Variants in HSPA9 observed in about 807,000 individuals in gnomAD.
The protein encoded by HSPA9 is heat shock protein family A (Hsp70) member 9.
A neutral mutation model predicts 81.5 loss-of-function variants in HSPA9; 28 were observed. That is an observed-to-expected ratio of 0.34 (90% CI 0.25 to 0.47). The LOEUF is 0.47. Ranked by LOEUF, HSPA9 falls within the 20% of genes least tolerant of loss-of-function variation. HSPA9 has a pLI of 1.00. For synonymous variants in HSPA9, 293 were observed against 290.4 expected (o/e 1.01, Z -0.09); for missense variants, 678 against 838.0 (o/e 0.81, Z 2.36).
intron 4 of HSPA9, 100 bp downstream of exon 4, chr5:138,570,860 A>G (rs1192376943): frequency 2.9e-6 from 3 of 1,029,286 alleles, no homozygotes; most frequent in South Asian, 1.3e-5. Context: ...TAAAATTACT[A>G]AAGTAAGGTG....
At chr5:138,573,386 C>T (rs1192171771) in intron 3 of HSPA9, among the ~76,000 whole-genome samples, 1 of 152,024 alleles carries the variant, frequency 6.6e-6, no homozygotes, top group Non-Finnish European at 1.5e-5. Flanking sequence ...CGAGGCCAGG[C>T]TTAGTGGTTC....
chr5:138,557,834 C>T, intron 13 of HSPA9, 35 bp downstream of exon 13: 1 of 1,317,266 alleles, frequency 7.6e-7, no homozygotes, highest in African/African-American at 1.4e-5. Flanking sequence ...CCTCCCTCAC[C>T]TCACTCTTAG....
intron 5 of HSPA9, 65 bp downstream of exon 5, chr5:138,568,859 GA>G: frequency 2.6e-6 from 4 of 1,545,536 alleles, no homozygotes; most frequent in Non-Finnish European, 2.7e-6. Context: ...GGAGCACAGG[GA>G]GCTAGTGATC....
chr5:138,563,408 C>G (rs1235244323), intron 9 of HSPA9, among the ~76,000 whole-genome samples: 1 of 152,196 alleles, frequency 6.6e-6, no homozygotes, highest in Non-Finnish European at 1.5e-5. Flanking sequence ...ACTCTCAACC[C>G]TCTACAACCA....
intron 10 of HSPA9, chr5:138,560,977 GT>G (rs747162998): frequency 7.1e-6 from 3 of 421,400 alleles, no homozygotes; most frequent in Non-Finnish European, 1.5e-5. Context: ...AAAAAACAAG[GT>G]CACTATCTTA....
chr5:138,574,971 G>A (rs1221181274), intron 1 of HSPA9: 5 of 574,982 alleles, frequency 8.7e-6, no homozygotes, highest in African/African-American at 5.6e-5. Context: ...TTCAGCCACA[G>A]AACAGGCCAT....
chr5:138,567,829 C>CT, intron 5 of HSPA9, 107 bp from the exon 6 acceptor site: 1 of 840,434 alleles, frequency 1.2e-6, no homozygotes, highest in South Asian at 1.4e-5. Context: ...ATTCTTCAGT[C>CT]TTTTGGTAAG....
At position 138,568,927 on chromosome 5, in the gene HSPA9, G is replaced by A. The variant is rs762286550; in HGVS notation, c.533C>T (p.Ala178Val). 1.9e-6 allele frequency: 3 copies of A among 1,613,682 alleles called. No individual in the cohort carries two copies. Among genetic ancestry groups the A allele is most frequent in the Admixed American group, 1.7e-5 (1 of 60,014 alleles). Residue 178 changes from alanine (A) to valine (V), a missense_variant and splice_region_variant, in exon 5 of 17, where the codon GCA becomes GTA. Ala to Val is a moderately conservative substitution (Grantham distance 64). Coordinates refer to ENST00000297185, the MANE Select transcript of HSPA9 (RefSeq NM_004134.7). ...AFVLMKMKET[A>V]ENYLGHTAKN... is the part of the protein sequence containing the mutation. ...AGATGTGAACTAAACCCACTCACCT[G>A]CAGTCTCTTTCATCTTCATCAACAC...
rs1387647882 is a variant in HSPA9, at chr5:138,557,453, T to G, written c.1677A>C (p.Glu559Asp). 1 of 1,610,860 alleles carries G rather than the reference T, an allele frequency of 6.2e-7. No individual in the cohort carries two copies. Among genetic ancestry groups the G allele is most frequent in the African/African-American group, 1.3e-5 (1 of 74,884 alleles). Reference protein sequence around the residue: ...SSGGLSKDDIENMVKNAEKYA... With the variant: ...SSGGLSKDDIDNMVKNAEKYA... ...ATTTCTCTGCATTTTTAACCATATT[T>G]TCAATATCATCTTTGCTTAATCCAC... is the stretch of plus-strand genomic sequence containing the variant. Residue 559 changes from glutamate to aspartate, a missense_variant, in exon 14 of 17, where the codon GAA (glutamate) becomes GAC (aspartate). Coordinates refer to ENST00000297185, the MANE Select transcript of HSPA9 (RefSeq NM_004134.7).
intron 11 of HSPA9, chr5:138,558,981 A>G (rs1750593147): frequency 3.3e-6 from 1 of 305,328 alleles, no homozygotes; most frequent in East Asian, 7.2e-5. Context: ...ATGCTCAGTC[A>G]CAGAAAGTCA....
chr5:138,558,473 TA>T, intron 12 of HSPA9, 79 bp downstream of exon 12: 1 of 956,926 alleles, frequency 1.0e-6, no homozygotes, highest in South Asian at 1.3e-5. Flanking sequence ...CAGCAGTTTA[TA>T]CTAATATTTT....
intron 12 of HSPA9, 127 bp from the exon 13 acceptor site, chr5:138,558,113 C>CA (rs2127153267): frequency 1.4e-6 from 1 of 738,760 alleles, no homozygotes; most frequent in Non-Finnish European, 2.4e-6. Context: ...ATTTAATGTA[C>CA]AAAACACAAA....
At chr5:138,571,812 T>TTTTGTGTG (rs113553648) in intron 3 of HSPA9, among the ~76,000 whole-genome samples, 4 of 146,178 alleles carry the variant, frequency 2.7e-5, no homozygotes, top group African/African-American at 5.0e-5. Flanking sequence ...CCAACTAATT[T>TTTTGTGTG]TGTGTGTGTG....
At chr5:138,573,711 A>G in intron 3 of HSPA9, 52 bp downstream of exon 3, 1 of 1,090,484 alleles carries the variant, frequency 9.2e-7, no homozygotes, top group Non-Finnish European at 1.4e-6. Flanking sequence ...GGAAAAGAGC[A>G]CAGAATTCTG....
chr5:138,555,769 A>T lies in HSPA9; in HGVS notation c.*268T>A, dbSNP rs760062028. The T allele has an allele frequency of 2.0e-5, 10 of 504,100 alleles. No individual in the cohort carries two copies. Among genetic ancestry groups the T allele is most frequent in the Non-Finnish European group, 3.6e-5 (10 of 280,794 alleles). The allele number at this position is 504,100 out of a possible 1,614,324, so 31.2% of individuals were successfully genotyped here. On this transcript the variant is annotated 3_prime_UTR_variant, in exon 17 of 17. Coordinates refer to ENST00000297185, the MANE Select transcript of HSPA9 (RefSeq NM_004134.7). ...CAGCATAAAATAGTTAAATCTTTAT[A>T]ATGATCAATTCATCCTACCTCCTTT... is the stretch of plus-strand genomic sequence containing the variant.
chr5:138,556,123 A>C lies in HSPA9; in HGVS notation c.1963-9T>G. ...TCTCGCTCAGATGCCATCTGTTAAG[A>C]AAACATTTGAGAGCCACTCAGATTT... On this transcript the variant is annotated splice_polypyrimidine_tract_variant and intron_variant, in intron 16 of 16. Transcript: ENST00000297185. 1 of 1,611,394 alleles carries C rather than the reference A, an allele frequency of 6.2e-7. No homozygotes were observed. The highest frequency in any genetic ancestry group is 8.5e-7 in the Non-Finnish European group (1 of 1,177,902).
rs541441367 is a variant in HSPA9 at position 138,575,370 on chromosome 5, G to C, written c.-52C>G. Reference sequence around the variant, plus strand: ...AGCAAACAAGCGCTCCGACGGCAAAGAGCTGCGCGATGCGGTGGCGGCAGC... The same window carrying C: ...AGCAAACAAGCGCTCCGACGGCAAACAGCTGCGCGATGCGGTGGCGGCAGC... On this transcript the variant is annotated 5_prime_UTR_variant, in exon 1 of 17. Coordinates refer to ENST00000297185, the MANE Select transcript of HSPA9 (RefSeq NM_004134.7). The C allele has an allele frequency of 1.7e-5, 25 of 1,464,958 alleles. No individual in the cohort carries two copies. The highest frequency in any genetic ancestry group is 4.6e-5 in the South Asian group (4 of 86,402). 90.7% of individuals were successfully genotyped at this position (1,464,958 alleles called of 1,614,324 possible).
intron 13 of HSPA9, 115 bp downstream of exon 13, chr5:138,557,754 C>G: frequency 2.4e-6 from 2 of 818,994 alleles, no homozygotes; most frequent in South Asian, 1.4e-5. Context: ...AAACATTACA[C>G]TTGTACAAGT....
intron 10 of HSPA9, 52 bp from the exon 11 acceptor site, chr5:138,560,143 G>A (rs771721554): frequency 7.3e-7 from 1 of 1,377,782 alleles, no homozygotes; most frequent in East Asian, 2.3e-5. Flanking sequence ...AACTACCTGA[G>A]CAGAACAAAA....
Sources: gnomAD v4.1 joint callset for allele counts (sites outside exome capture counted in the v4.1 genomes callset) on GRCh38, gnomAD v4.1.1 for gene constraint, MANE v1.5 for transcripts, NCBI Gene and HGNC (gene_info 2026-07-23, HGNC 2026-07-21) for gene names.